The following RFX4 variants were observed in gnomAD, a reference collection of about 807,000 sequenced individuals.
The protein encoded by RFX4 is transcription factor RFX4.
In RFX4, 10 loss-of-function variants were observed where a neutral mutation model predicts 95.0. The observed-to-expected ratio is 0.11, with a 90% CI of 0.06 to 0.18. RFX4 has a LOEUF of 0.18. Ranked by LOEUF, RFX4 falls within the 10% of genes least tolerant of loss-of-function variation. The pLI is 1.00. For synonymous variants in RFX4, 321 were observed against 340.7 expected, an observed-to-expected ratio of 0.94 and a Z score of 0.64; for missense variants, 640 against 922.0, an observed-to-expected ratio of 0.69 and a Z score of 3.96.
chr12:106,639,267 A>G (rs879561962), intron 2 of RFX4, 65 bp from the exon 3 acceptor site: 4 of 1,363,138 alleles, frequency 2.9e-6, no homozygotes, highest in Non-Finnish European at 3.1e-6. Context: ...GGGAGAGTCG[A>G]GAGGACTTTT....
intron 1 of RFX4, among the ~76,000 whole-genome samples, chr12:106,602,736 C>T (rs1337377215): frequency 6.6e-6 from 1 of 152,180 alleles, no homozygotes; most frequent in South Asian, 2.1e-4. Flanking sequence ...CTCATAGGCT[C>T]TTTCTTCCCA....
At chr12:106,642,344 A>G (rs953029356) in intron 3 of RFX4, among the ~76,000 whole-genome samples, 8 of 151,148 alleles carry the variant, frequency 5.3e-5, no homozygotes, top group Non-Finnish European at 7.4e-5. Flanking sequence ...CTCAGGGCAC[A>G]GTGGCTCACG....
intron 8 of RFX4, among the ~76,000 whole-genome samples, chr12:106,706,745 A>T (rs2042094088): frequency 6.6e-6 from 1 of 152,248 alleles, no homozygotes; most frequent in Non-Finnish European, 1.5e-5. Context: ...AAAATATTTA[A>T]GAAATAGAAC....
chr12:106,627,951 G>A (rs995654684), intron 2 of RFX4, among the ~76,000 whole-genome samples: 2 of 152,240 alleles, frequency 1.3e-5, no homozygotes, highest in African/African-American at 4.8e-5. Flanking sequence ...GGATTCAACA[G>A]GAGAGACCTC....
intron 1 of RFX4, among the ~76,000 whole-genome samples, chr12:106,591,377 C>T (rs770735535): frequency 2.0e-5 from 3 of 149,020 alleles, no homozygotes; most frequent in Non-Finnish European, 4.4e-5. Flanking sequence ...AAGCAATTCT[C>T]CTGTCTCAGC....
rs2042611941 is a variant in RFX4, at chr12:106,731,603, GTAAA to G, written c.1352-523_1352-520del. ...GTCTTGAAAACATTTAGGGAAATAA[GTAAA>G]TAACTTGTTGCAGATTTAAATTTTC... is the stretch of plus-strand genomic sequence containing the variant. On this transcript the variant is annotated intron_variant, in intron 13 of 17. Transcript: ENST00000392842. 3.9e-5 allele frequency among the ~76,000 whole-genome samples: 6 copies of G among 152,306 alleles called. No homozygotes were observed. The South Asian group carries it at 1.2e-3, about 32-fold the overall frequency.
At position 106,590,405 on chromosome 12, in the gene RFX4, CTG is replaced by C. The variant is rs543304194; in HGVS notation, c.43+7044_43+7045del. Among the ~76,000 whole-genome samples the C allele has an allele frequency of 1.1e-3, 164 of 152,302 alleles. 1 individual carries two copies. Among genetic ancestry groups the C allele is most frequent in the Non-Finnish European group, 1.9e-3 (126 of 68,028 alleles). On this transcript the variant is annotated intron_variant, in intron 1 of 17. Transcript: ENST00000392842. ...AGAAACTGTAATTATTAAGAAGAAA[CTG>C]TTATTATTTACAGTTTAAATAGAGA...
intron 3 of RFX4, among the ~76,000 whole-genome samples, chr12:106,647,075 C>A (rs1387533616): frequency 1.3e-5 from 2 of 152,174 alleles, no homozygotes; most frequent in Non-Finnish European, 2.9e-5. Context: ...TATTCATTTG[C>A]TGTCTGGTGG....
At chr12:106,689,166 G>C in intron 6 of RFX4, 121 bp from the exon 7 acceptor site, 1 of 832,946 alleles carries the variant, frequency 1.2e-6, no homozygotes, top group East Asian at 2.6e-5. Flanking sequence ...GGCTGAGCCG[G>C]TGTTAGGTGA....
At chr12:106,736,514 C>G (rs773900939) in intron 15 of RFX4, among the ~76,000 whole-genome samples, 2 of 152,044 alleles carry the variant, frequency 1.3e-5, no homozygotes, top group African/African-American at 4.8e-5. Context: ...AAAAAGGGCA[C>G]GGAGGATGAA....
chr12:106,699,730 C>T (rs11113087), intron 8 of RFX4, among the ~76,000 whole-genome samples: 4,919 of 151,998 alleles, frequency 0.032, 106 homozygotes, highest in Non-Finnish European at 0.048. Context: ...TTAGTGTTTG[C>T]ATTACATTTT....
chr12:106,682,361 T>C (rs2041532720), intron 5 of RFX4: 2 of 417,502 alleles, frequency 4.8e-6, no homozygotes, highest in South Asian at 7.0e-5. Flanking sequence ...TTGTGGCCTC[T>C]TGGAGGATCA....
intron 3 of RFX4, among the ~76,000 whole-genome samples, chr12:106,644,102 C>A (rs1013255790): frequency 6.6e-6 from 1 of 152,158 alleles, no homozygotes; most frequent in Non-Finnish European, 1.5e-5. Flanking sequence ...TGTATTGATC[C>A]ACTACTTGCT....
At chr12:106,595,092 C>T (rs1036455120) in intron 1 of RFX4, among the ~76,000 whole-genome samples, 4 of 152,256 alleles carry the variant, frequency 2.6e-5, no homozygotes, top group South Asian at 2.1e-4. Flanking sequence ...GTGCTGAACA[C>T]TTATGCATGT....
intron 8 of RFX4, among the ~76,000 whole-genome samples, chr12:106,699,638 CTTTT>C (rs1010194357): frequency 6.6e-6 from 1 of 152,000 alleles, no homozygotes; most frequent in Admixed American, 6.5e-5. Context: ...TTCATAATGT[CTTTT>C]TTTATCTTTC....
intron 1 of RFX4, 134 bp downstream of exon 1, chr12:106,583,497 T>C (rs2039403874): frequency 1.3e-6 from 1 of 770,262 alleles, no homozygotes; most frequent in African/African-American, 1.8e-5. Flanking sequence ...AACGCAGAGC[T>C]TGCAGAAGTT....
intron 15 of RFX4, among the ~76,000 whole-genome samples, chr12:106,742,096 G>C (rs754870175): frequency 2.6e-5 from 4 of 152,172 alleles, no homozygotes; most frequent in Non-Finnish European, 5.9e-5. Context: ...TGAAAAAAAA[G>C]GGTACAGCCA....
chr12:106,632,329 C>T (rs2040431867), intron 2 of RFX4, among the ~76,000 whole-genome samples: 1 of 152,186 alleles, frequency 6.6e-6, no homozygotes, highest in South Asian at 2.1e-4. Context: ...CTTGGCAGGA[C>T]CATCAGCGGG....
At chr12:106,756,955 A>G (rs2043119223) in intron 17 of RFX4, among the ~76,000 whole-genome samples, 1 of 152,200 alleles carries the variant, frequency 6.6e-6, no homozygotes, top group African/African-American at 2.4e-5. Context: ...GTGAGTGCTC[A>G]GTAAATACTT....
Sources: gnomAD v4.1 joint callset for allele counts (sites outside exome capture counted in the v4.1 genomes callset) on GRCh38, gnomAD v4.1.1 for gene constraint, MANE v1.5 for transcripts, NCBI Gene and HGNC (gene_info 2026-07-23, HGNC 2026-07-21) for gene names.